ATL1: variants seen among roughly 807,000 people sequenced by gnomAD.
The protein encoded by ATL1 is atlastin-1.
Under a neutral mutation model 75.5 loss-of-function variants are expected in ATL1, and 31 were observed. That is an observed-to-expected ratio of 0.41 (90% CI 0.31 to 0.55). The LOEUF (loss-of-function observed/expected upper bound fraction) is 0.55, where lower values mean the gene tolerates loss of function less well. ATL1 is among the 20% of genes least tolerant of loss of function. ATL1 has a pLI of 0.27. For missense variants in ATL1, 405 were observed against 662.6 expected (o/e 0.61, Z 4.27); for synonymous variants, 226 against 233.3 (o/e 0.97, Z 0.28).
chr14:50,582,004 G>A (rs2039060083), intron 1 of ATL1, among the ~76,000 whole-genome samples: 1 of 152,142 alleles, frequency 6.6e-6, no homozygotes. Flanking sequence ...GAAATGGCCA[G>A]TCGCGGTGGC....
intron 11 of ATL1, among the ~76,000 whole-genome samples, chr14:50,624,539 CTTTCT>C (rs1396277945): frequency 1.3e-5 from 2 of 151,950 alleles, no homozygotes; most frequent in Non-Finnish European, 1.5e-5. Flanking sequence ...CTCTGCAGTC[CTTTCT>C]TTTACCTGAG....
At chr14:50,538,513 G>A (rs1487345371) in intron 1 of ATL1, among the ~76,000 whole-genome samples, 1 of 152,170 alleles carries the variant, frequency 6.6e-6, no homozygotes, top group Admixed American at 6.5e-5. Context: ...GCTAAGAAAA[G>A]ATAGCAGATT....
At position 50,632,408 on chromosome 14, in the gene ATL1, A is replaced by C; in HGVS notation, c.*69A>C. 1 of 1,083,576 alleles carries C rather than the reference A, an allele frequency of 9.2e-7. No homozygotes were observed. The highest frequency in any genetic ancestry group is 1.4e-6 in the Non-Finnish European group (1 of 715,960). The allele number at this position is 1,083,576 out of a possible 1,614,324, so 67.1% of individuals were successfully genotyped here. A position where few individuals can be genotyped will look rare whatever the true frequency, so the allele number is the denominator to read the frequency against. Reference sequence around the variant, plus strand: ...AATATTCAGTTTTATGTCTCCATGCAAACATTCAAAGTGCTTCCATCAGAA... The same window carrying C: ...AATATTCAGTTTTATGTCTCCATGCCAACATTCAAAGTGCTTCCATCAGAA... On this transcript the variant is annotated 3_prime_UTR_variant, in exon 14 of 14. Transcript: ENST00000358385.
At chr14:50,537,216 G>A (rs1010205088) in intron 1 of ATL1, among the ~76,000 whole-genome samples, 1 of 152,182 alleles carries the variant, frequency 6.6e-6, no homozygotes, top group African/African-American at 2.4e-5. Context: ...ACATAGAGCT[G>A]GGGCCGTGGC....
intron 6 of ATL1, among the ~76,000 whole-genome samples, chr14:50,611,081 T>C (rs1262545336): frequency 6.6e-6 from 1 of 152,066 alleles, no homozygotes; most frequent in African/African-American, 2.4e-5. Flanking sequence ...TGCACTGGTG[T>C]TGCTAAGCTA....
At chr14:50,615,716 CTAA>C (rs2039408559) in intron 8 of ATL1, among the ~76,000 whole-genome samples, 1 of 152,152 alleles carries the variant, frequency 6.6e-6, no homozygotes, top group Non-Finnish European at 1.5e-5. Flanking sequence ...GTGCAATTAC[CTAA>C]TGGCTTTAAT....
At chr14:50,573,803 C>T (rs2038976541) in intron 1 of ATL1, among the ~76,000 whole-genome samples, 1 of 152,084 alleles carries the variant, frequency 6.6e-6, no homozygotes, top group Admixed American at 6.6e-5. Context: ...TGTTATTTTG[C>T]TCATAGACCT....
intron 1 of ATL1, among the ~76,000 whole-genome samples, chr14:50,568,406 C>T (rs1185890118): frequency 6.6e-6 from 1 of 151,440 alleles, no homozygotes; most frequent in East Asian, 1.9e-4. Context: ...GATATTGTCT[C>T]TAAAAAAAAA....
At chr14:50,629,342 G>A (rs1035249346) in intron 12 of ATL1, among the ~76,000 whole-genome samples, 1 of 152,008 alleles carries the variant, frequency 6.6e-6, no homozygotes, top group African/African-American at 2.4e-5. Context: ...AGCACTTTCC[G>A]AGGCCAAAGT....
intron 1 of ATL1, among the ~76,000 whole-genome samples, chr14:50,534,404 A>G (rs960374835): frequency 6.6e-6 from 1 of 152,262 alleles, no homozygotes; most frequent in Non-Finnish European, 1.5e-5. Flanking sequence ...TATTTTCCTA[A>G]TGCAAAGACT....
chr14:50,613,353 T>C lies in ATL1; in HGVS notation c.723+2T>C. 6.2e-7 allele frequency: 1 copy of C among 1,609,824 alleles called. No homozygotes were observed. The stretch of plus-strand genomic sequence containing the variant: ...AAATTCTTGGAAAAACGCCTCAAGG[T>C]TTGTTAGATATTTAGGTGCATGAAA... On this transcript the variant is annotated splice_donor_variant, in intron 7 of 13. Transcript: ENST00000358385. LOFTEE classifies it high-confidence loss of function.
In ATL1 at chr14:50,612,060, C is replaced by T. The variant is rs117269216; in HGVS notation, c.631-1199C>T. Among the ~76,000 whole-genome samples, 62 of 152,122 alleles carry T rather than the reference C, an allele frequency of 4.1e-4. No individual in the cohort carries two copies. The East Asian group carries it at 0.011, about 27-fold the overall frequency. On this transcript the variant is annotated intron_variant, in intron 6 of 13. Transcript: ENST00000358385. Reference sequence around the variant, plus strand: ...TCATTATTCACATAATGGGAAATTGCGCAGTAATGACTATGAATTATGAAC... The same window carrying T: ...TCATTATTCACATAATGGGAAATTGTGCAGTAATGACTATGAATTATGAAC...
intron 1 of ATL1, among the ~76,000 whole-genome samples, chr14:50,534,124 A>AT (rs1004325303): frequency 3.3e-5 from 5 of 152,012 alleles, no homozygotes; most frequent in Non-Finnish European, 7.4e-5. Context: ...TTCATTTGAG[A>AT]TTTTTTTCCT....
At chr14:50,596,788 A>C (rs1447775564) in intron 6 of ATL1, among the ~76,000 whole-genome samples, 1 of 152,242 alleles carries the variant, frequency 6.6e-6, no homozygotes, top group Non-Finnish European at 1.5e-5. Flanking sequence ...GAGTGCTTGA[A>C]AGAAAACACA....
At chr14:50,549,335 C>T (rs2038673621) in intron 1 of ATL1, among the ~76,000 whole-genome samples, 1 of 152,206 alleles carries the variant, frequency 6.6e-6, no homozygotes, top group African/African-American at 2.4e-5. Flanking sequence ...CAGCAGGCAT[C>T]TCCATCCTCT....
At chr14:50,627,002 C>G (rs763929057) in intron 11 of ATL1, among the ~76,000 whole-genome samples, 1 of 152,190 alleles carries the variant, frequency 6.6e-6, no homozygotes, top group Non-Finnish European at 1.5e-5. Context: ...TAAAGAAGTT[C>G]TACTATGAGT....
At chr14:50,570,994 A>G (rs977467999) in intron 1 of ATL1, among the ~76,000 whole-genome samples, 1 of 152,102 alleles carries the variant, frequency 6.6e-6, no homozygotes, top group African/African-American at 2.4e-5. Flanking sequence ...TCCTCTGTGT[A>G]TGCAGTTGCT....
At chr14:50,611,866 A>G (rs1350850736) in intron 6 of ATL1, among the ~76,000 whole-genome samples, 2 of 152,154 alleles carry the variant, frequency 1.3e-5, no homozygotes, top group Non-Finnish European at 2.9e-5. Flanking sequence ...AATATCAACC[A>G]GTCCTGAACA....
intron 6 of ATL1, among the ~76,000 whole-genome samples, chr14:50,609,796 A>G (rs918291430): frequency 2.6e-5 from 4 of 152,116 alleles, no homozygotes; most frequent in Non-Finnish European, 4.4e-5. Context: ...GCTTCTTAGA[A>G]AAATGCCCGT....
Sources: gnomAD v4.1 joint callset for allele counts (sites outside exome capture counted in the v4.1 genomes callset) on GRCh38, gnomAD v4.1.1 for gene constraint, MANE v1.5 for transcripts, NCBI Gene and HGNC (gene_info 2026-07-23, HGNC 2026-07-21) for gene names.